The following SPAG17 variants were observed in gnomAD, a reference collection of about 807,000 sequenced individuals.
SPAG17 encodes sperm-associated antigen 17.
A neutral mutation model predicts 273.6 loss-of-function variants in SPAG17; 169 were observed. The ratio of observed to expected loss-of-function variants is 0.62; its 90% CI spans 0.55 to 0.70. SPAG17 has a LOEUF of 0.70. Among genes scored for constraint, SPAG17 ranks in the 30% least tolerant of loss-of-function variants. The probability of loss-of-function intolerance (pLI) is 0.00; values close to 1 mark genes in which losing one functional copy is unlikely to be tolerated. For synonymous variants in SPAG17, 825 were observed against 873.2 expected (o/e 0.94, Z 0.97); for missense variants, 2,557 against 2,627.8 (o/e 0.97, Z 0.59).
intron 28 of SPAG17, among the ~76,000 whole-genome samples, chr1:118,022,338 T>C (rs1660579371): frequency 6.6e-6 from 1 of 152,104 alleles, no homozygotes; most frequent in Non-Finnish European, 1.5e-5. Context: ...ACACCTCCTA[T>C]ATAAAAATAT....
At chr1:118,065,335 C>T (rs917758481) in intron 18 of SPAG17, among the ~76,000 whole-genome samples, 1 of 151,900 alleles carries the variant, frequency 6.6e-6, no homozygotes, top group South Asian at 2.1e-4. Flanking sequence ...TTCCCTGGGC[C>T]GTATGTTTTT....
At chr1:118,015,613 C>T (rs1384581686) in intron 29 of SPAG17, among the ~76,000 whole-genome samples, 5 of 152,124 alleles carry the variant, frequency 3.3e-5, no homozygotes, top group Non-Finnish European at 7.3e-5. Flanking sequence ...TACACACATA[C>T]ATTCAGCATA....
intron 23 of SPAG17, among the ~76,000 whole-genome samples, chr1:118,038,705 G>A (rs1029850444): frequency 2.0e-5 from 3 of 152,128 alleles, no homozygotes; most frequent in African/African-American, 7.2e-5. Context: ...CCAACTACAT[G>A]CTATTATGGA....
At position 118,112,744 on chromosome 1, in the gene SPAG17, C is replaced by A. The variant is rs185324034; in HGVS notation, c.447+2566G>T. ...GAAATTTACATGCTGAAGGCATTAA[C>A]ACTGTTCATTTTAGAAATATCTTTC... On this transcript the variant is annotated intron_variant, in intron 4 of 48. Transcript: ENST00000336338. Among the ~76,000 whole-genome samples, 710 of 152,186 alleles carry A rather than the reference C, an allele frequency of 4.7e-3. 7 individuals carry two copies. Among genetic ancestry groups the A allele is most frequent in the African/African-American group, 0.016 (684 of 41,572 alleles).
rs545202988 is a variant in SPAG17 at position 118,086,251 on chromosome 1, T to C, written c.1612-179A>G. On this transcript the variant is annotated intron_variant, in intron 12 of 48. Transcript: ENST00000336338. ...CTGAAGGTCAAAAAGCTAGTTCCTA[T>C]GTTGCCAGGATTTCCTGGTGCACAA... Among the ~76,000 whole-genome samples, 227 of 152,354 alleles carry C rather than the reference T, an allele frequency of 1.5e-3. 2 individuals carry two copies. The highest frequency in any genetic ancestry group is 4.0e-3 in the African/African-American group (168 of 41,586).
intron 3 of SPAG17, among the ~76,000 whole-genome samples, chr1:118,126,358 A>G (rs1208719573): frequency 6.6e-6 from 1 of 150,876 alleles, no homozygotes; most frequent in Non-Finnish European, 1.5e-5. Context: ...GGCGCCCGCC[A>G]CTACACCCAG....
intron 31 of SPAG17, 104 bp from the exon 32 acceptor site, chr1:118,005,706 C>T (rs1658808837): frequency 1.2e-6 from 1 of 814,046 alleles, no homozygotes; most frequent in South Asian, 3.5e-5. Flanking sequence ...ATCCTAGTCA[C>T]AAACTGTGTT....
chr1:118,149,901 G>C (rs1659277313), intron 3 of SPAG17, among the ~76,000 whole-genome samples: 1 of 152,160 alleles, frequency 6.6e-6, no homozygotes, highest in Non-Finnish European at 1.5e-5. Context: ...AACAAGGCAG[G>C]GTGAGAAGAA....
At chr1:117,998,488 G>A (rs1464229536) in intron 32 of SPAG17, among the ~76,000 whole-genome samples, 1 of 152,114 alleles carries the variant, frequency 6.6e-6, no homozygotes, top group African/African-American at 2.4e-5. Context: ...TGGGTAATGT[G>A]ATGCCTCAAC....
intron 3 of SPAG17, among the ~76,000 whole-genome samples, chr1:118,115,953 C>T (rs895397438): frequency 4.6e-5 from 7 of 152,130 alleles, no homozygotes; most frequent in South Asian, 2.1e-4. Flanking sequence ...GACACAAAGG[C>T]GCCATATGAA....
intron 3 of SPAG17, among the ~76,000 whole-genome samples, chr1:118,128,727 T>G (rs1052033632): frequency 6.6e-6 from 1 of 152,188 alleles, no homozygotes; most frequent in Non-Finnish European, 1.5e-5. Context: ...GATGTGTTAA[T>G]TTAGCCTTTG....
chr1:118,137,398 G>C (rs939411187), intron 3 of SPAG17, among the ~76,000 whole-genome samples: 3 of 152,212 alleles, frequency 2.0e-5, no homozygotes, highest in African/African-American at 7.2e-5. Context: ...GTTAGTGTAA[G>C]AGTGTTTCAT....
chr1:117,978,587 C>T (rs1319505768), intron 43 of SPAG17, among the ~76,000 whole-genome samples: 7 of 152,086 alleles, frequency 4.6e-5, no homozygotes, highest in Admixed American at 3.3e-4. Flanking sequence ...TATGCAATTC[C>T]ATTTCTCTAG....
At chr1:118,171,133 G>T (rs973708948) in intron 1 of SPAG17, among the ~76,000 whole-genome samples, 7 of 152,296 alleles carry the variant, frequency 4.6e-5, no homozygotes, top group African/African-American at 1.7e-4. Flanking sequence ...GTAGAAGTGA[G>T]ATGTTATAGA....
At chr1:118,079,509 G>T (rs1654365044) in intron 15 of SPAG17, among the ~76,000 whole-genome samples, 1 of 151,842 alleles carries the variant, frequency 6.6e-6, no homozygotes, top group Non-Finnish European at 1.5e-5. Flanking sequence ...TATCAATATT[G>T]TTAGTCTATT....
At chr1:118,150,874 T>A (rs1014706865) in intron 2 of SPAG17, among the ~76,000 whole-genome samples, 1 of 152,212 alleles carries the variant, frequency 6.6e-6, no homozygotes, top group Non-Finnish European at 1.5e-5. Context: ...GCTATGATTC[T>A]CTGTAGCCTT....
chr1:118,127,629 G>A (rs551093759), intron 3 of SPAG17, among the ~76,000 whole-genome samples: 59 of 152,244 alleles, frequency 3.9e-4, no homozygotes, highest in African/African-American at 1.2e-3. Flanking sequence ...AAACTATCTC[G>A]TTCTGAAGAA....
At position 117,996,589 on chromosome 1, in the gene SPAG17, T is replaced by A; in HGVS notation, c.4922+9A>T. The A allele has an allele frequency of 6.2e-7, 1 of 1,607,882 alleles. No homozygotes were observed. The highest frequency in any genetic ancestry group is 8.5e-7 in the Non-Finnish European group (1 of 1,178,044). On this transcript the variant is annotated intron_variant, in intron 33 of 48. Coordinates refer to ENST00000336338, the MANE Select transcript of SPAG17 (RefSeq NM_206996.4). Reference sequence around the variant, plus strand: ...AATTAAAAGTAAAATTATAGTATTATTCTTTTACCTGGGGACATGTTCACC... The same window carrying A: ...AATTAAAAGTAAAATTATAGTATTAATCTTTTACCTGGGGACATGTTCACC...
chr1:117,986,643 C>T (rs1656445658), intron 40 of SPAG17, among the ~76,000 whole-genome samples: 1 of 152,102 alleles, frequency 6.6e-6, no homozygotes, highest in South Asian at 2.1e-4. Flanking sequence ...ATGAAGTCTC[C>T]ATCTCATCCT....
Sources: allele counts gnomAD v4.1 joint callset (sites outside exome capture counted in the v4.1 genomes callset), GRCh38; gene constraint gnomAD v4.1.1; transcripts MANE v1.5; gene names NCBI Gene and HGNC (gene_info 2026-07-23, HGNC 2026-07-21).